The following ZNF491 variants were observed in gnomAD, a reference collection of about 807,000 sequenced individuals.
ZNF491 encodes the protein zinc finger protein 491.
A neutral mutation model predicts 34.7 loss-of-function variants in ZNF491; 22 were observed. That is an observed-to-expected ratio of 0.63 (90% CI 0.45 to 0.90). The LOEUF (loss-of-function observed/expected upper bound fraction) is 0.90. Ranked by LOEUF, ZNF491 falls within the 40% of genes least tolerant of loss-of-function variation. ZNF491 has a pLI of 0.00. For synonymous variants in ZNF491, 148 were observed against 174.3 expected (o/e 0.85, Z 1.19); for missense variants, 559 against 531.7 (o/e 1.05, Z -0.51).
rs568843241 is a variant in ZNF491 at position 11,807,129 on chromosome 19, C to T, written c.1176C>T (p.Phe392=). ...AATGTAAGCATTGTGGGAAAGCCTT[C>T]ACTTGTTCCATATATATTAGAATAC... The part of the protein sequence containing the change: ...PYECKHCGKA[F]TCSIYIRIHE... Residue 392 remains phenylalanine (F), a synonymous_variant, in exon 3 of 3, where the codon TTC becomes TTT. Coordinates refer to ENST00000323169, the MANE Select transcript of ZNF491 (RefSeq NM_152356.4). The T allele has an allele frequency of 1.9e-6, 3 of 1,612,618 alleles. No individual in the cohort carries two copies. Among genetic ancestry groups the T allele is most frequent in the East Asian group, 2.2e-5 (1 of 44,816 alleles).
chr19:11,801,207 A>T (rs1975555855), intron 1 of ZNF491, among the ~76,000 whole-genome samples: 1 of 152,138 alleles, frequency 6.6e-6, no homozygotes, highest in South Asian at 2.1e-4. Context: ...AAAAGAAAAA[A>T]ATTATATTTT....
At position 11,808,406 on chromosome 19, in the gene ZNF491, A is replaced by G. The variant is rs1975642616; in HGVS notation, c.*1139A>G. ...CAAAAAAAAAAAAAAAGGTTTATTC[A>G]CTGTTTTTCAGTTGTGTACTTGCAA... On this transcript the variant is annotated 3_prime_UTR_variant, in exon 3 of 3. Coordinates refer to ENST00000323169, the MANE Select transcript of ZNF491 (RefSeq NM_152356.4). Among the ~76,000 whole-genome samples the G allele has an allele frequency of 6.6e-6, 1 of 151,446 alleles. No homozygotes were observed. Among genetic ancestry groups the G allele is most frequent in the Admixed American group, 6.6e-5 (1 of 15,180 alleles).
intron 1 of ZNF491, chr19:11,799,293 T>C (rs1395896359): frequency 3.3e-5 from 5 of 152,176 alleles, no homozygotes. Context: ...TTTTAAAGTT[T>C]ACTCAAGCAA....
At position 11,807,255 on chromosome 19, in the gene ZNF491, T is replaced by C. The variant is rs899422495; in HGVS notation, c.1302T>C (p.Thr434=). Residue 434 remains threonine (T), a synonymous_variant, in exon 3 of 3, where the codon ACT becomes ACC. Transcript: ENST00000323169. ...GTCGAAAACATGAAAGAACTCACAC[T>C]ATTAATATATGAGAGAAATGCTATT... is the stretch of plus-strand genomic sequence containing the variant. ...SYCRKHERTH[T]INI 6.5e-7 allele frequency: 1 copy of C among 1,535,414 alleles called. No individual in the cohort carries two copies. The highest frequency in any genetic ancestry group is 1.4e-5 in the African/African-American group (1 of 71,740).
chr19:11,802,000 A>G lies in ZNF491; in HGVS notation c.-133-2542A>G, dbSNP rs117411889. Among the ~76,000 whole-genome samples, 588 of 152,184 alleles carry G rather than the reference A, an allele frequency of 3.9e-3. 21 individuals are homozygous for G. The East Asian group carries it at 0.077, about 20-fold the overall frequency. ...TTCAATTCATTTTATTTTATTTTTT[A>G]TAGAGATTGGATCTCACTCTGTTGC... On this transcript the variant is annotated intron_variant, in intron 1 of 2. Transcript: ENST00000323169.
Position 11,806,440 on chromosome 19 carries a change from C to G in ZNF491, c.487C>G (p.Gln163Glu). Residue 163 changes from glutamine to glutamate, a missense_variant, in exon 3 of 3, where the codon CAA becomes GAA. Transcript: ENST00000323169. Reference protein sequence around the residue: ...HTGEKRYECKQCGKAFSWHSS... With the variant: ...HTGEKRYECKECGKAFSWHSS... Reference sequence around the variant, plus strand: ...TGGAGAGAAACGATATGAATGTAAACAATGTGGTAAAGCCTTCAGTTGGCA... The same window carrying G: ...TGGAGAGAAACGATATGAATGTAAAGAATGTGGTAAAGCCTTCAGTTGGCA... The G allele has an allele frequency of 6.2e-7, 1 of 1,613,108 alleles. No homozygotes were observed. Among genetic ancestry groups the G allele is most frequent in the Non-Finnish European group, 8.5e-7 (1 of 1,179,578 alleles).
rs568130014 is a variant in ZNF491, at chr19:11,806,789, C to T, written c.836C>T (p.Ala279Val). ...CATAAATGTAAGATATGTGGGAAAGCCTTTTACTCTCCCAGTTCATTTCAA... is the reference window on the plus strand; with the variant it reads ...CATAAATGTAAGATATGTGGGAAAGTCTTTTACTCTCCCAGTTCATTTCAA... ...RPHKCKICGK[A>V]FYSPSSFQRH... The change falls in exon 3 of 3, where the codon GCC (alanine) becomes GTC (valine). Residue 279 changes from alanine to valine, a missense_variant. By Grantham distance (64) the Ala-to-Val change is moderately conservative. Transcript: ENST00000323169. 6.2e-7 allele frequency: 1 copy of T among 1,611,498 alleles called. No homozygotes were observed. The highest frequency in any genetic ancestry group is 1.7e-5 in the Admixed American group (1 of 59,420).
At chr19:11,799,636 A>T (rs11671641) in intron 1 of ZNF491, among the ~76,000 whole-genome samples, 27,468 of 151,852 alleles carry the variant, frequency 0.18, 3,155 homozygotes, top group Non-Finnish European at 0.26. Flanking sequence ...AAAATATTTT[A>T]AAAAATTAGT....
chr19:11,800,735 A>G lies in ZNF491; in HGVS notation c.-134+2008A>G, dbSNP rs114162818. On this transcript the variant is annotated intron_variant, in intron 1 of 2. Coordinates refer to ENST00000323169, the MANE Select transcript of ZNF491 (RefSeq NM_152356.4). ...ACGGGAAAGAAAACATTTTTTAAAA[A>G]TTTTAGTCCAGGCACAGTGACTCAC... 5.8e-3 allele frequency among the ~76,000 whole-genome samples: 882 copies of G among 152,112 alleles called. 8 individuals carry two copies. The highest frequency in any genetic ancestry group is 0.021 in the African/African-American group (860 of 41,504).
rs1423967877 is a variant in ZNF491 at position 11,807,735 on chromosome 19, A to G, written c.*468A>G. ...TAATGCAGACTGTCATGGGTGGGGA[A>G]TGTTCTCTGATGCTCAACTCCCCTA... On this transcript the variant is annotated 3_prime_UTR_variant, in exon 3 of 3. Transcript: ENST00000323169. 5.9e-6 allele frequency: 1 copy of G among 168,148 alleles called. No individual in the cohort carries two copies. The highest frequency in any genetic ancestry group is 1.5e-5 in the Non-Finnish European group (1 of 68,964). 10.4% of individuals were successfully genotyped at this position (168,148 alleles called of 1,614,324 possible). A position where few individuals can be genotyped will look rare whatever the true frequency, so the allele number is the denominator to read the frequency against.
intron 1 of ZNF491, among the ~76,000 whole-genome samples, chr19:11,801,804 T>C (rs1209200837): frequency 2.0e-5 from 3 of 152,216 alleles, no homozygotes; most frequent in Non-Finnish European, 4.4e-5. Context: ...ACTGGTCTTT[T>C]GCAGTTAGCT....
intron 1 of ZNF491, among the ~76,000 whole-genome samples, chr19:11,800,585 A>G (rs183999714): frequency 7.2e-6 from 1 of 139,214 alleles, no homozygotes; most frequent in Non-Finnish European, 1.5e-5. Flanking sequence ...CAATGGTGCT[A>G]TCTTGGCTCA....
chr19:11,799,350 G>C (rs1187985993), intron 1 of ZNF491: 1 of 152,008 alleles, frequency 6.6e-6, no homozygotes, highest in Non-Finnish European at 1.5e-5. Context: ...CCACGGAAAT[G>C]GGCTCAGTGT....
chr19:11,804,209 A>G (rs375692906), intron 1 of ZNF491, among the ~76,000 whole-genome samples: 371 of 109,442 alleles, frequency 3.4e-3, no homozygotes, highest in Middle Eastern at 7.9e-3. Context: ...TCTCAGACAA[A>G]AAAAAAAAAA....
intron 2 of ZNF491, among the ~76,000 whole-genome samples, chr19:11,805,215 G>A (rs777667732): frequency 5.9e-5 from 9 of 152,042 alleles, no homozygotes; most frequent in Non-Finnish European, 1.2e-4. Flanking sequence ...TTCAAGACCA[G>A]TCTGACCAAC....
rs151175533 is a variant in ZNF491 at position 11,806,477 on chromosome 19, G to A, written c.524G>A (p.Arg175Gln). The A allele has an allele frequency of 2.4e-5, 38 of 1,613,420 alleles. No homozygotes were observed. Among genetic ancestry groups the A allele is most frequent in the South Asian group, 8.8e-5 (8 of 91,004 alleles). ...GCCTTCAGTTGGCACAGTTCTGTTC[G>A]AATCCATGAAAGAACTCACACTGGG... ...GKAFSWHSSV[R>Q]IHERTHTGEK... Residue 175 changes from arginine to glutamine, a missense_variant, in exon 3 of 3, where the codon CGA becomes CAA. Coordinates refer to ENST00000323169, the MANE Select transcript of ZNF491 (RefSeq NM_152356.4).
In ZNF491 at chr19:11,802,238, C is replaced by A. The variant is rs544496931; in HGVS notation, c.-133-2304C>A. On this transcript the variant is annotated intron_variant, in intron 1 of 2. Coordinates refer to ENST00000323169, the MANE Select transcript of ZNF491 (RefSeq NM_152356.4). Reference sequence around the variant, plus strand: ...GTAATTTTGTTTTTAATTTTTGAGGCACTGCCATACTGTTTTTCATAGCTA... The same window carrying A: ...GTAATTTTGTTTTTAATTTTTGAGGAACTGCCATACTGTTTTTCATAGCTA... Among the ~76,000 whole-genome samples, 120 of 152,280 alleles carry A rather than the reference C, an allele frequency of 7.9e-4. No individual in the cohort carries two copies. The Middle Eastern group carries it at 0.014, about 17-fold the overall frequency.
At chr19:11,801,395 G>A (rs902966277) in intron 1 of ZNF491, among the ~76,000 whole-genome samples, 3 of 152,072 alleles carry the variant, frequency 2.0e-5, no homozygotes, top group Non-Finnish European at 4.4e-5. Context: ...GGTGGCTCAT[G>A]CCTATAATCT....
At chr19:11,800,015 G>T (rs369318206) in intron 1 of ZNF491, among the ~76,000 whole-genome samples, 1 of 152,158 alleles carries the variant, frequency 6.6e-6, no homozygotes, top group South Asian at 2.1e-4. Context: ...AGCCCAGGAG[G>T]TGAAGGCTGC....
Sources: gnomAD v4.1 joint callset for allele counts (sites outside exome capture counted in the v4.1 genomes callset) on GRCh38, gnomAD v4.1.1 for gene constraint, MANE v1.5 for transcripts, NCBI Gene and HGNC (gene_info 2026-07-23, HGNC 2026-07-21) for gene names.